The following GRID2 variants were observed in gnomAD, a reference collection of about 807,000 sequenced individuals.
GRID2 encodes glutamate ionotropic receptor delta type subunit 2.
GRID2 carries 33 observed loss-of-function variants against 114.8 expected under a neutral mutation model. That is an observed-to-expected ratio of 0.29 (90% CI 0.22 to 0.38). The LOEUF (loss-of-function observed/expected upper bound fraction) is 0.38, where lower values mean the gene tolerates loss of function less well. Among genes scored for constraint, GRID2 ranks in the 10% least tolerant of loss-of-function variants. GRID2 has a pLI of 1.00. For synonymous variants in GRID2, 505 were observed against 449.9 expected (o/e 1.12, Z -1.55); for missense variants, 1,184 against 1,257.7 (o/e 0.94, Z 0.89).
chr4:93,726,812 T>A (rs1474557856), intron 14 of GRID2, among the ~76,000 whole-genome samples: 2 of 152,320 alleles, frequency 1.3e-5, no homozygotes, highest in South Asian at 2.1e-4. Context: ...ATAAGAATGC[T>A]TGTGATTTTT....
chr4:93,625,376 A>G (rs886283849), intron 13 of GRID2, among the ~76,000 whole-genome samples: 2 of 152,190 alleles, frequency 1.3e-5, no homozygotes, highest in South Asian at 4.1e-4. Context: ...TTTTCCACTC[A>G]GGGGTCATTT....
intron 1 of GRID2, among the ~76,000 whole-genome samples, chr4:92,442,844 A>G (rs1002810169): frequency 7.2e-5 from 11 of 152,272 alleles, no homozygotes; most frequent in South Asian, 2.1e-4. Context: ...CTATGCCTTT[A>G]GCTCCAGCCA....
chr4:92,677,018 CAGAA>C (rs1733409134), intron 2 of GRID2, among the ~76,000 whole-genome samples: 1 of 152,130 alleles, frequency 6.6e-6, no homozygotes, highest in Non-Finnish European at 1.5e-5. Flanking sequence ...AAAAAAATCA[CAGAA>C]AGACAAATAT....
chr4:93,306,224 C>T (rs1177557118), intron 8 of GRID2: 1 of 152,184 alleles, frequency 6.6e-6, no homozygotes, highest in Non-Finnish European at 1.5e-5. Flanking sequence ...AGAATGCTGA[C>T]TTCTAAAGGT....
At chr4:93,699,903 C>A (rs7682768) in intron 14 of GRID2, among the ~76,000 whole-genome samples, 1 of 151,844 alleles carries the variant, frequency 6.6e-6, no homozygotes, top group Non-Finnish European at 1.5e-5. Flanking sequence ...TTATTCTAAA[C>A]TGTGACATAT....
In GRID2 at chr4:93,110,799, A is replaced by G. The variant is rs1413326493; in HGVS notation, c.581A>G (p.Asp194Gly). ...FLDKVSQQGM[D>G]VALQKVENNI... is the part of the protein sequence containing the mutation. ...GACAAAGTCTCTCAGCAGGGAATGGATGTTGCACTTCAGAAGGTAGAAAAC... is the reference window on the plus strand; with the variant it reads ...GACAAAGTCTCTCAGCAGGGAATGGGTGTTGCACTTCAGAAGGTAGAAAAC... Residue 194 changes from aspartate (D) to glycine (G), a missense_variant, in exon 4 of 16, where the codon GAT becomes GGT. This residue lies in a region of GRID2 where 455 missense variants were observed against 429.5 expected (regional missense o/e 1.06). Coordinates refer to ENST00000282020, the MANE Select transcript of GRID2 (RefSeq NM_001510.4). 5.0e-6 allele frequency: 8 copies of G among 1,612,916 alleles called. No individual in the cohort carries two copies. The highest frequency in any genetic ancestry group is 6.8e-6 in the Non-Finnish European group (8 of 1,178,946).
At chr4:92,925,712 G>T (rs1749758856) in intron 2 of GRID2, among the ~76,000 whole-genome samples, 1 of 151,926 alleles carries the variant, frequency 6.6e-6, no homozygotes, top group African/African-American at 2.4e-5. Context: ...TCCTACCCAG[G>T]CATTCACTTG....
rs369009675 is a variant in GRID2 at position 92,474,105 on chromosome 4, TTA to T, written c.89-116024_89-116023del. The stretch of plus-strand genomic sequence containing the variant: ...TTAACTGTAGTCAACATGTTAAAAA[TTA>T]TGTCTCCAGGACTTATTCATCTTAT... On this transcript the variant is annotated intron_variant, in intron 1 of 15. Transcript: ENST00000282020. Among the ~76,000 whole-genome samples the T allele has an allele frequency of 1.9e-3, 287 of 151,974 alleles. 2 individuals carry two copies. The highest frequency in any genetic ancestry group is 6.8e-3 in the African/African-American group (280 of 41,470).
intron 8 of GRID2, among the ~76,000 whole-genome samples, chr4:93,324,499 T>G (rs1757612412): frequency 6.6e-6 from 1 of 152,158 alleles, no homozygotes; most frequent in South Asian, 2.1e-4. Context: ...AAAAGTCTCT[T>G]TTTTTGTTGA....
chr4:93,323,675 A>G (rs1242002145), intron 8 of GRID2, among the ~76,000 whole-genome samples: 1 of 152,144 alleles, frequency 6.6e-6, no homozygotes, highest in Non-Finnish European at 1.5e-5. Context: ...CTTCGTGTCC[A>G]TGAGCATGGA....
chr4:92,778,675 T>A (rs1287679670), intron 2 of GRID2, among the ~76,000 whole-genome samples: 1 of 152,106 alleles, frequency 6.6e-6, no homozygotes, highest in Non-Finnish European at 1.5e-5. Flanking sequence ...TTTATGGCAT[T>A]ATGGAACTTT....
At chr4:92,773,943 C>A (rs1738661198) in intron 2 of GRID2, among the ~76,000 whole-genome samples, 1 of 152,056 alleles carries the variant, frequency 6.6e-6, no homozygotes, top group African/African-American at 2.4e-5. Flanking sequence ...ATTCCATATG[C>A]TTTTAAGTGC....
At chr4:92,624,353 C>G (rs1388130026) in intron 2 of GRID2, among the ~76,000 whole-genome samples, 2 of 151,776 alleles carry the variant, frequency 1.3e-5, no homozygotes, top group African/African-American at 2.4e-5. Context: ...GCTTTATTAT[C>G]TACTTTTAGT....
intron 2 of GRID2, among the ~76,000 whole-genome samples, chr4:92,930,439 G>A (rs1479136215): frequency 6.6e-6 from 1 of 150,974 alleles, no homozygotes; most frequent in Non-Finnish European, 1.5e-5. Context: ...TATTAAAGAA[G>A]GCTTAAATTT....
chr4:93,068,285 G>C (rs763190535), intron 2 of GRID2, among the ~76,000 whole-genome samples: 1 of 151,946 alleles, frequency 6.6e-6, no homozygotes, highest in Non-Finnish European at 1.5e-5. Context: ...AAAACCTTAC[G>C]AGGCAAGCAG....
intron 3 of GRID2, among the ~76,000 whole-genome samples, chr4:93,108,197 C>A (rs1437655884): frequency 6.6e-6 from 1 of 152,314 alleles, no homozygotes; most frequent in East Asian, 1.9e-4. Context: ...ATATCCTCCT[C>A]CTCACCCTAT....
chr4:92,778,272 A>G (rs1411464531), intron 2 of GRID2, among the ~76,000 whole-genome samples: 2 of 152,100 alleles, frequency 1.3e-5, no homozygotes, highest in Non-Finnish European at 2.9e-5. Flanking sequence ...TTATGTAATG[A>G]ATTTTGAATG....
At chr4:93,776,075 A>G (rs1734363168), downstream of GRID2, among the ~76,000 whole-genome samples, 1 of 152,216 alleles carries the variant, frequency 6.6e-6, no homozygotes. Flanking sequence ...AGTATAGTAA[A>G]TCATGCAGAG....
intron 14 of GRID2, among the ~76,000 whole-genome samples, chr4:93,668,748 A>T (rs907008194): frequency 6.6e-6 from 1 of 152,080 alleles, no homozygotes; most frequent in Non-Finnish European, 1.5e-5. Context: ...GCATCAATGG[A>T]TAATGGAAGA....
Sources: gnomAD v4.1 joint callset for allele counts (sites outside exome capture counted in the v4.1 genomes callset) on GRCh38, gnomAD v4.1.1 for gene constraint, gnomAD v4.1.1 regional missense constraint, MANE v1.5 for transcripts, NCBI Gene and HGNC (gene_info 2026-07-23, HGNC 2026-07-21) for gene names.